The following SHTN1 variants were observed in gnomAD, a reference collection of about 807,000 sequenced individuals.
The protein encoded by SHTN1 is shootin-1.
A neutral mutation model predicts 83.1 loss-of-function variants in SHTN1; 42 were observed. The observed-to-expected ratio is 0.51, with a 90% CI of 0.39 to 0.65. SHTN1 has a LOEUF of 0.65. Ranked by LOEUF, SHTN1 falls within the 30% of genes least tolerant of loss-of-function variation. SHTN1 has a pLI of 0.00. For synonymous variants in SHTN1, 224 were observed against 247.7 expected (o/e 0.90, Z 0.90); for missense variants, 622 against 737.8 (o/e 0.84, Z 1.82).
intron 2 of SHTN1, among the ~76,000 whole-genome samples, chr10:117,031,080 G>A (rs1004146352): frequency 6.6e-6 from 1 of 151,972 alleles, no homozygotes; most frequent in African/African-American, 2.4e-5. Flanking sequence ...ACTCCCAAAG[G>A]TCAAGGACAA....
intron 1 of SHTN1, among the ~76,000 whole-genome samples, chr10:117,122,256 T>G (rs922368546): frequency 6.6e-6 from 1 of 152,158 alleles, no homozygotes; most frequent in Non-Finnish European, 1.5e-5. Context: ...CTACTGCTCA[T>G]GCAGCCTCAA....
chr10:116,924,106 C>T (rs1848654136), intron 11 of SHTN1, among the ~76,000 whole-genome samples: 1 of 152,170 alleles, frequency 6.6e-6, no homozygotes, highest in Admixed American at 6.5e-5. Context: ...ATTATTTTCA[C>T]AAAAGTTAGA....
chr10:116,954,248 C>T (rs751791367), intron 4 of SHTN1, 38 bp from the exon 5 acceptor site: 5 of 1,373,208 alleles, frequency 3.6e-6, no homozygotes, highest in African/African-American at 2.9e-5. Flanking sequence ...TTAAAAGCAG[C>T]CAAATGAGTA....
intron 1 of SHTN1, among the ~76,000 whole-genome samples, chr10:117,091,637 T>C (rs900589164): frequency 6.6e-6 from 1 of 152,218 alleles, no homozygotes; most frequent in East Asian, 1.9e-4. Context: ...TCCAAAGGCT[T>C]TGAGTTCCTA....
intron 1 of SHTN1, among the ~76,000 whole-genome samples, chr10:117,003,343 G>C (rs778783590): frequency 6.7e-6 from 1 of 148,690 alleles, no homozygotes; most frequent in African/African-American, 2.5e-5. Flanking sequence ...ACTGATGCTT[G>C]TGACTTTATG....
chr10:116,908,415 A>C (rs1026405636), intron 14 of SHTN1, among the ~76,000 whole-genome samples: 16 of 152,192 alleles, frequency 1.1e-4, no homozygotes, highest in African/African-American at 3.6e-4. Flanking sequence ...GTCACACCAT[A>C]AGGTATGACC....
chr10:117,055,330 C>T (rs1453858906), intron 1 of SHTN1, among the ~76,000 whole-genome samples: 1 of 152,142 alleles, frequency 6.6e-6, no homozygotes, highest in Non-Finnish European at 1.5e-5. Context: ...CTCAAGGCTT[C>T]TTGGGTTTGT....
At chr10:117,063,377 C>T (rs1278449813) in intron 1 of SHTN1, among the ~76,000 whole-genome samples, 2 of 152,160 alleles carry the variant, frequency 1.3e-5, no homozygotes, top group Non-Finnish European at 2.9e-5. Flanking sequence ...GGTTTCACCA[C>T]GTGCTCCAAG....
chr10:117,061,805 A>G (rs1852908162), intron 1 of SHTN1, among the ~76,000 whole-genome samples: 1 of 152,146 alleles, frequency 6.6e-6, no homozygotes, highest in African/African-American at 2.4e-5. Context: ...CACTCCACTT[A>G]GGCTTCTGCG....
rs1443627006 is a variant in SHTN1, at chr10:116,954,696, C to G, written c.268-486G>C. 4.6e-5 allele frequency among the ~76,000 whole-genome samples: 7 copies of G among 152,152 alleles called. No individual in the cohort carries two copies. In the East Asian group the frequency reaches 1.4e-3, roughly 29 times the overall value. On this transcript the variant is annotated intron_variant, in intron 4 of 16. Transcript: ENST00000355371. ...GCACACCCCATCCCTTTGGCCACAGCGAATTAGTCCAGGGATTAAACACAT... is the reference window on the plus strand; with the variant it reads ...GCACACCCCATCCCTTTGGCCACAGGGAATTAGTCCAGGGATTAAACACAT...
At chr10:116,954,662 C>T (rs754452247) in intron 4 of SHTN1, among the ~76,000 whole-genome samples, 1 of 152,152 alleles carries the variant, frequency 6.6e-6, no homozygotes, top group Admixed American at 6.5e-5. Context: ...GAGTGCCATG[C>T]TCTCCCAAGC....
At chr10:116,893,691 A>G (rs999864804) in intron 16 of SHTN1, among the ~76,000 whole-genome samples, 2 of 151,778 alleles carry the variant, frequency 1.3e-5, no homozygotes, top group African/African-American at 4.8e-5. Context: ...TCCCAGGACT[A>G]AAAGAACTTC....
intron 11 of SHTN1, among the ~76,000 whole-genome samples, chr10:116,924,317 G>A (rs1037743809): frequency 2.7e-5 from 4 of 150,414 alleles, no homozygotes; most frequent in African/African-American, 1.0e-4. Flanking sequence ...CACTGACCTC[G>A]CCTCTCGTTC....
Position 116,960,973 on chromosome 10 carries a change from G to A in SHTN1, c.173-743C>T, listed in dbSNP as rs145176320. Reference sequence around the variant, plus strand: ...TGGTGCATGTAAATTGAGATTTACAGGTATAAAGTGATTTAGAACTTGAGT... The same window carrying A: ...TGGTGCATGTAAATTGAGATTTACAAGTATAAAGTGATTTAGAACTTGAGT... On this transcript the variant is annotated intron_variant, in intron 3 of 16. Coordinates refer to ENST00000355371, the MANE Select transcript of SHTN1 (RefSeq NM_001127211.3). Among the ~76,000 whole-genome samples, 797 of 152,146 alleles carry A rather than the reference G, an allele frequency of 5.2e-3. 9 individuals are homozygous for A. The highest frequency in any genetic ancestry group is 0.018 in the African/African-American group (759 of 41,506).
At position 116,962,855 on chromosome 10, in the gene SHTN1, C is replaced by T. The variant is rs560456821; in HGVS notation, c.173-2625G>A. ...TTTAAGAAATTATTCCAGTGCTAAA[C>T]TGGTAGCATAACAACCTACTTACCA... On this transcript the variant is annotated intron_variant, in intron 3 of 16. Transcript: ENST00000355371. Among the ~76,000 whole-genome samples the T allele has an allele frequency of 7.2e-4, 110 of 152,070 alleles. 2 individuals are homozygous for T. In the South Asian group the frequency reaches 0.022, roughly 30 times the overall value.
intron 2 of SHTN1, chr10:116,974,046 C>A (rs1850708551): frequency 1.9e-6 from 2 of 1,063,146 alleles, no homozygotes. Flanking sequence ...CTCTCTTTCT[C>A]TTTTGGTGTT....
At chr10:117,088,106 T>C (rs1359446741) in intron 1 of SHTN1, among the ~76,000 whole-genome samples, 1 of 152,228 alleles carries the variant, frequency 6.6e-6, no homozygotes, top group Non-Finnish European at 1.5e-5. Flanking sequence ...TGTGCTCCAG[T>C]GTAACTAATA....
At chr10:116,959,386 T>C (rs1412391503) in intron 4 of SHTN1, among the ~76,000 whole-genome samples, 1 of 152,146 alleles carries the variant, frequency 6.6e-6, no homozygotes, top group African/African-American at 2.4e-5. Flanking sequence ...TATGTATTTA[T>C]TGAGAGTAGG....
At chr10:117,007,160 T>A (rs1852031630), upstream of SHTN1, among the ~76,000 whole-genome samples, 3 of 151,922 alleles carry the variant, frequency 2.0e-5, no homozygotes, top group South Asian at 6.2e-4. Context: ...GAGATAATAA[T>A]AAAAAAATCC....
Sources: allele counts gnomAD v4.1 joint callset (sites outside exome capture counted in the v4.1 genomes callset), GRCh38; gene constraint gnomAD v4.1.1; transcripts MANE v1.5; gene names NCBI Gene and HGNC (gene_info 2026-07-23, HGNC 2026-07-21).